Variants in CMC2 observed in about 807,000 individuals in gnomAD.
The protein encoded by CMC2 is COX assembly mitochondrial protein 2 homolog.
In CMC2, 5 loss-of-function variants were observed where a neutral mutation model predicts 7.5. The ratio of observed to expected loss-of-function variants is 0.66; its 90% CI spans 0.35 to 1.40. The LOEUF (loss-of-function observed/expected upper bound fraction) is 1.40, where lower values mean the gene tolerates loss of function less well. Ranked by LOEUF, CMC2 falls within the 40% of genes most tolerant of loss-of-function variation. CMC2 has a pLI of 0.04. For missense variants in CMC2, 115 were observed against 92.3 expected, an observed-to-expected ratio of 1.25 and a Z score of -1.01; for synonymous variants, 37 against 31.4, an observed-to-expected ratio of 1.18 and a Z score of -0.60.
rs559477189 is a variant in CMC2, at chr16:80,975,684, T to C, written c.*409A>G. On this transcript the variant is annotated 3_prime_UTR_variant, in exon 4 of 4. Coordinates refer to ENST00000219400, the MANE Select transcript of CMC2 (RefSeq NM_020188.5). ...ACAATAAAGTTGCAACATTTTCAAA[T>C]AGTTAACACTGCTGGGATTTCCCCA... 2 of 154,256 alleles carry C rather than the reference T, an allele frequency of 1.3e-5. No individual in the cohort carries two copies. The highest frequency in any genetic ancestry group is 2.4e-5 in the African/African-American group (1 of 41,610). 9.6% of individuals were successfully genotyped at this position (154,256 alleles called of 1,614,324 possible). A position where few individuals can be genotyped will look rare whatever the true frequency, so the allele number is the denominator to read the frequency against.
chr16:80,992,280 C>A (rs1968061699), intron 2 of CMC2, among the ~76,000 whole-genome samples: 1 of 152,170 alleles, frequency 6.6e-6, no homozygotes, highest in African/African-American at 2.4e-5. Flanking sequence ...AAAGTGTGTT[C>A]CCAACATTTT....
intron 1 of CMC2, among the ~76,000 whole-genome samples, chr16:81,003,537 G>C (rs1452641327): frequency 6.6e-6 from 1 of 152,168 alleles, no homozygotes; most frequent in Non-Finnish European, 1.5e-5. Flanking sequence ...TCACACAGTA[G>C]TTAGCTGCAA....
At chr16:80,981,742 C>T in intron 3 of CMC2, 64 bp downstream of exon 3, 1 of 1,064,318 alleles carries the variant, frequency 9.4e-7, no homozygotes, top group South Asian at 1.5e-5. Flanking sequence ...GGCAGTAATA[C>T]ACAATATTCA....
At chr16:81,003,671 G>C (rs779310732) in intron 1 of CMC2, among the ~76,000 whole-genome samples, 5 of 152,164 alleles carry the variant, frequency 3.3e-5, no homozygotes, top group Non-Finnish European at 7.3e-5. Flanking sequence ...ATTTCCCAAA[G>C]AGCTTCTGAT....
At chr16:81,003,527 T>C (rs1361372535) in intron 1 of CMC2, among the ~76,000 whole-genome samples, 1 of 152,180 alleles carries the variant, frequency 6.6e-6, no homozygotes, top group Non-Finnish European at 1.5e-5. Flanking sequence ...AAGCCCCAGG[T>C]CACACAGTAG....
At position 80,971,599 on chromosome 16, in the gene CMC2, C is replaced by CATAT. The variant is rs947816734; in HGVS notation, c.*4490_*4493dup. On this transcript the variant is annotated 3_prime_UTR_variant, in exon 4 of 4. Coordinates refer to ENST00000219400, the MANE Select transcript of CMC2 (RefSeq NM_020188.5). Reference sequence around the variant, plus strand: ...ATATATATATATGTATGAAATCATGCATATATATATATGTATGAAATCATG... The same window carrying CATAT: ...ATATATATATATGTATGAAATCATGCATATATATATATATATGTATGAAATCATG... 3.5e-5 allele frequency: 4 copies of CATAT among 113,236 alleles called. No individual in the cohort carries two copies. Among genetic ancestry groups the CATAT allele is most frequent in the African/African-American group, 4.6e-5 (1 of 21,834 alleles). The allele number at this position is 113,236 out of a possible 1,614,324, so 7.0% of individuals were successfully genotyped here.
At chr16:80,995,831 C>T (rs1453445669) in intron 2 of CMC2, among the ~76,000 whole-genome samples, 1 of 152,230 alleles carries the variant, frequency 6.6e-6, no homozygotes, top group Non-Finnish European at 1.5e-5. Flanking sequence ...TAGATCTTGA[C>T]TGTGATGGTG....
In CMC2 at chr16:81,001,522, A is replaced by C. The variant is rs1673698714; in HGVS notation, c.-35-4093T>G. On this transcript the variant is annotated intron_variant, in intron 1 of 3. Coordinates refer to ENST00000219400, the MANE Select transcript of CMC2 (RefSeq NM_020188.5). ...TTAACAAGCAGTTTTACAAGATAAA[A>C]AGTATTATGGAGATGGACGGTGGTG... 3.3e-5 allele frequency among the ~76,000 whole-genome samples: 5 copies of C among 152,148 alleles called. No homozygotes were observed. The South Asian group carries it at 1.0e-3, about 32-fold the overall frequency.
At chr16:81,006,123 T>C (rs184073549) in intron 1 of CMC2, among the ~76,000 whole-genome samples, 43 of 152,258 alleles carry the variant, frequency 2.8e-4, no homozygotes, top group African/African-American at 1.0e-3. Flanking sequence ...CTGATTTACT[T>C]AAGACTCTAC....
At chr16:80,992,812 C>T (rs1367205370) in intron 2 of CMC2, among the ~76,000 whole-genome samples, 1 of 151,072 alleles carries the variant, frequency 6.6e-6, no homozygotes, top group Non-Finnish European at 1.5e-5. Flanking sequence ...CTACCTCAAC[C>T]TTCCAAGTAG....
At chr16:80,976,292 G>T in intron 3 of CMC2, 113 bp from the exon 4 acceptor site, 19 of 587,770 alleles carry the variant, frequency 3.2e-5, no homozygotes, top group South Asian at 1.2e-4. Flanking sequence ...AGGTTAACAG[G>T]GTTTAAATTT....
intron 2 of CMC2, among the ~76,000 whole-genome samples, chr16:80,986,258 G>A (rs185155292): frequency 6.6e-6 from 1 of 152,270 alleles, no homozygotes; most frequent in East Asian, 1.9e-4. Context: ...GCTGAGGCAG[G>A]AGAATCGCTT....
intron 1 of CMC2, among the ~76,000 whole-genome samples, chr16:81,005,481 C>A (rs1407244703): frequency 1.1e-5 from 1 of 88,094 alleles, no homozygotes. Context: ...ACATTTCGGC[C>A]CTGGTATTAA....
In CMC2 at chr16:80,969,595, GTGA is replaced by G. The variant is rs1911778862; in HGVS notation, c.*6495_*6497del. On this transcript the variant is annotated 3_prime_UTR_variant, in exon 4 of 4. Coordinates refer to ENST00000219400, the MANE Select transcript of CMC2 (RefSeq NM_020188.5). ...ATTGAACAGGATAGGGACAACAGAA[GTGA>G]TGAAGAGAGCCAGGCACGGTGGTTC... 1 of 152,334 alleles carries G rather than the reference GTGA, an allele frequency of 6.6e-6. No homozygotes were observed. Among genetic ancestry groups the G allele is most frequent in the East Asian group, 1.9e-4 (1 of 5,174 alleles). 9.4% of individuals were successfully genotyped at this position (152,334 alleles called of 1,614,324 possible).
At chr16:80,994,177 T>C (rs1330907638) in intron 2 of CMC2, among the ~76,000 whole-genome samples, 1 of 152,076 alleles carries the variant, frequency 6.6e-6, no homozygotes, top group Non-Finnish European at 1.5e-5. Context: ...TCACACCTCA[T>C]ACTATACACA....
intron 2 of CMC2, among the ~76,000 whole-genome samples, chr16:80,986,660 C>T (rs1190878159): frequency 1.3e-5 from 2 of 152,164 alleles, no homozygotes; most frequent in African/African-American, 2.4e-5. Context: ...AAGAGAGATT[C>T]GGCAGAGAAC....
rs1182081409 is a variant in CMC2 at position 80,968,391 on chromosome 16, A to G, written c.*7702T>C. On this transcript the variant is annotated 3_prime_UTR_variant, in exon 4 of 4. Transcript: ENST00000219400. ...CGGCTGAGATTCTGCGTTGCTAACAAACTTTCCCGGGTTACGCTAAAGCTG... is the reference window on the plus strand; with the variant it reads ...CGGCTGAGATTCTGCGTTGCTAACAGACTTTCCCGGGTTACGCTAAAGCTG... 1 of 152,144 alleles carries G rather than the reference A, an allele frequency of 6.6e-6. No homozygotes were observed. The highest frequency in any genetic ancestry group is 1.5e-5 in the Non-Finnish European group (1 of 68,052). The allele number at this position is 152,144 out of a possible 1,614,324, so 9.4% of individuals were successfully genotyped here. A position where few individuals can be genotyped will look rare whatever the true frequency, so the allele number is the denominator to read the frequency against.
intron 1 of CMC2, among the ~76,000 whole-genome samples, chr16:80,999,671 G>T (rs1025721459): frequency 5.3e-5 from 8 of 152,080 alleles, no homozygotes; most frequent in Admixed American, 5.2e-4. Flanking sequence ...AGACTATAAG[G>T]CTACAATAAC....
Position 80,966,790 on chromosome 16 carries a change from C to A in CMC2, c.*9303G>T, listed in dbSNP as rs939355886. On this transcript the variant is annotated 3_prime_UTR_variant, in exon 4 of 4. Coordinates refer to ENST00000219400, the MANE Select transcript of CMC2 (RefSeq NM_020188.5). ...GCTTGTTTTCAAGTTTTAGGAATTTCTTCTTTTCTTTATATAATCACCATA... is the reference window on the plus strand; with the variant it reads ...GCTTGTTTTCAAGTTTTAGGAATTTATTCTTTTCTTTATATAATCACCATA... 2.0e-5 allele frequency: 3 copies of A among 152,092 alleles called. No individual in the cohort carries two copies. Among genetic ancestry groups the A allele is most frequent in the Non-Finnish European group, 4.4e-5 (3 of 67,998 alleles). 9.4% of individuals were successfully genotyped at this position (152,092 alleles called of 1,614,324 possible). A position where few individuals can be genotyped will look rare whatever the true frequency, so the allele number is the denominator to read the frequency against.
Sources: allele counts gnomAD v4.1 joint callset (sites outside exome capture counted in the v4.1 genomes callset), GRCh38; gene constraint gnomAD v4.1.1; transcripts MANE v1.5; gene names NCBI Gene and HGNC (gene_info 2026-07-23, HGNC 2026-07-21).